Variants in ZMYND11 observed in about 807,000 individuals in gnomAD.
The protein encoded by ZMYND11 is zinc finger MYND domain-containing protein 11.
ZMYND11 carries 9 observed loss-of-function variants against 84.9 expected under a neutral mutation model. The observed-to-expected ratio is 0.11, with a 90% CI of 0.06 to 0.18. The LOEUF is 0.18. ZMYND11 is among the 10% of genes least tolerant of loss of function. The pLI, the probability that ZMYND11 is intolerant of heterozygous loss-of-function variation, is 1.00. For missense variants in ZMYND11, 409 were observed against 761.0 expected (o/e 0.54, Z 5.44); for synonymous variants, 250 against 244.1 (o/e 1.02, Z -0.23).
At chr10:199,866 ATTTT>A in intron 2 of ZMYND11, among the ~76,000 whole-genome samples, 1 of 141,788 alleles carries the variant, frequency 7.1e-6, no homozygotes, top group African/African-American at 2.5e-5. Flanking sequence ...TGTGGAAAAC[ATTTT>A]TTTCTTTTTT....
chr10:166,270 T>C (rs1843997736), intron 1 of ZMYND11, among the ~76,000 whole-genome samples: 1 of 152,108 alleles, frequency 6.6e-6, no homozygotes, highest in Admixed American at 6.6e-5. Context: ...AATTTGAAAG[T>C]TTTATGCATT....
intron 4 of ZMYND11, among the ~76,000 whole-genome samples, chr10:223,438 TCTC>T (rs1192376959): frequency 6.6e-6 from 1 of 152,198 alleles, no homozygotes; most frequent in African/African-American, 2.4e-5. Flanking sequence ...GTTCTGTTCT[TCTC>T]TTTTCCTTTC....
At chr10:176,000 T>C (rs1169681566) in intron 1 of ZMYND11, among the ~76,000 whole-genome samples, 1 of 152,228 alleles carries the variant, frequency 6.6e-6, no homozygotes, top group Non-Finnish European at 1.5e-5. Context: ...TGTTAACTAT[T>C]GTGTTTATCG....
At chr10:169,485 G>T (rs1439929688) in intron 1 of ZMYND11, among the ~76,000 whole-genome samples, 1 of 152,124 alleles carries the variant, frequency 6.6e-6, no homozygotes, top group Non-Finnish European at 1.5e-5. Context: ...AGGAATGTTG[G>T]AATAATCAGA....
chr10:225,000 C>T (rs1459162505), intron 4 of ZMYND11, among the ~76,000 whole-genome samples: 1 of 151,704 alleles, frequency 6.6e-6, no homozygotes, highest in African/African-American at 2.4e-5. Context: ...ATGAATTTTC[C>T]AGGAAAAAAA....
chr10:165,924 A>G (rs913695657), intron 1 of ZMYND11, among the ~76,000 whole-genome samples: 13 of 152,124 alleles, frequency 8.5e-5, no homozygotes, highest in African/African-American at 7.2e-5. Flanking sequence ...GTCTAGTGGA[A>G]TAGAATTTAG....
At chr10:147,097 T>C (rs1260725261) in intron 1 of ZMYND11, among the ~76,000 whole-genome samples, 3 of 152,246 alleles carry the variant, frequency 2.0e-5, no homozygotes, top group Non-Finnish European at 4.4e-5. Flanking sequence ...TGTACATTGA[T>C]TCTGTAGCAT....
At chr10:154,174 TTAG>T (rs1841117554) in intron 1 of ZMYND11, among the ~76,000 whole-genome samples, 1 of 152,206 alleles carries the variant, frequency 6.6e-6, no homozygotes, top group South Asian at 2.1e-4. Flanking sequence ...CATACACAGA[TTAG>T]CACATTTTCT....
At chr10:194,537 C>A (rs1043324673) in intron 2 of ZMYND11, among the ~76,000 whole-genome samples, 2 of 152,202 alleles carry the variant, frequency 1.3e-5, no homozygotes, top group African/African-American at 4.8e-5. Context: ...TTTCCAGCTG[C>A]AATCTATGAG....
chr10:211,853 A>G (rs1030926387), intron 3 of ZMYND11, among the ~76,000 whole-genome samples: 1 of 152,224 alleles, frequency 6.6e-6, no homozygotes, highest in African/African-American at 2.4e-5. Context: ...CCAAGACATA[A>G]TAAAAGTAAT....
intron 1 of ZMYND11, among the ~76,000 whole-genome samples, chr10:154,175 T>G (rs1163096425): frequency 3.3e-5 from 5 of 152,204 alleles, no homozygotes; most frequent in Non-Finnish European, 2.9e-5. Context: ...ATACACAGAT[T>G]AGCACATTTT....
chr10:153,291 A>G (rs1161925891), intron 1 of ZMYND11, among the ~76,000 whole-genome samples: 1 of 152,240 alleles, frequency 6.6e-6, no homozygotes, highest in Non-Finnish European at 1.5e-5. Context: ...TGTGATTCCT[A>G]TATAATTGAA....
At chr10:205,833 C>T (rs1324986652) in intron 2 of ZMYND11, among the ~76,000 whole-genome samples, 2 of 147,154 alleles carry the variant, frequency 1.4e-5, no homozygotes, top group South Asian at 4.3e-4. Context: ...TGAGGGTTTT[C>T]TGGTTTTGTT....
At chr10:214,528 C>T (rs1364109163) in intron 3 of ZMYND11, among the ~76,000 whole-genome samples, 1 of 152,158 alleles carries the variant, frequency 6.6e-6, no homozygotes, top group Non-Finnish European at 1.5e-5. Context: ...TCTGTCATTA[C>T]CATTTACTCA....
intron 2 of ZMYND11, among the ~76,000 whole-genome samples, chr10:182,734 T>A (rs1421364023): frequency 6.6e-6 from 1 of 152,264 alleles, no homozygotes; most frequent in Non-Finnish European, 1.5e-5. Flanking sequence ...CCAGTGCCTT[T>A]GCTTCTTGGC....
rs573623936 is a variant in ZMYND11, at chr10:207,283, G to A, written c.117-2606G>A. Among the ~76,000 whole-genome samples, 26 of 152,292 alleles carry A rather than the reference G, an allele frequency of 1.7e-4. No homozygotes were observed. In the South Asian group the frequency reaches 4.3e-3, roughly 25 times the overall value. ...TTCCAAGTCTTTGCTATTGTGAATA[G>A]TGCCGCAGTAAACATACATGTGCAT... On this transcript the variant is annotated intron_variant, in intron 2 of 14. Coordinates refer to ENST00000381604, the MANE Select transcript of ZMYND11 (RefSeq NM_001370100.5).
rs187856960 is a variant in ZMYND11, at chr10:248,254, A to G, written c.1228-82A>G. On this transcript the variant is annotated intron_variant, in intron 12 of 14. Coordinates refer to ENST00000381604, the MANE Select transcript of ZMYND11 (RefSeq NM_001370100.5). ...CTATGGCTATTATGTATATCACTGA[A>G]TTTTTATCCGAATGGGGTAGTTCTT... 1.2e-3 allele frequency: 1,787 copies of G among 1,524,190 alleles called. 28 individuals are homozygous for G. In the Admixed American group the frequency reaches 0.03, roughly 25 times the overall value. 94.4% of individuals were successfully genotyped at this position (1,524,190 alleles called of 1,614,324 possible).
At chr10:144,024 G>T (rs1262246028) in intron 1 of ZMYND11, among the ~76,000 whole-genome samples, 1 of 145,464 alleles carries the variant, frequency 6.9e-6, no homozygotes, top group Admixed American at 6.8e-5. Flanking sequence ...AAAAAAAACT[G>T]CCATTTGAAT....
intron 9 of ZMYND11, 150 bp downstream of exon 9, chr10:241,120 C>T (rs1950824610): frequency 3.6e-6 from 2 of 555,936 alleles, no homozygotes; most frequent in African/African-American, 1.9e-5. Flanking sequence ...AAAAAAGTAA[C>T]AGGGCTTGTT....
Sources: allele counts gnomAD v4.1 joint callset (sites outside exome capture counted in the v4.1 genomes callset), GRCh38; gene constraint gnomAD v4.1.1; transcripts MANE v1.5; gene names NCBI Gene and HGNC (gene_info 2026-07-23, HGNC 2026-07-21).